The following DLG2 variants were observed in gnomAD, a reference collection of about 807,000 sequenced individuals.
DLG2 encodes the protein disks large homolog 2.
Under a neutral mutation model 132.5 loss-of-function variants are expected in DLG2, and 45 were observed. The ratio of observed to expected loss-of-function variants is 0.34; its 90% confidence interval spans 0.27 to 0.44. The LOEUF (loss-of-function observed/expected upper bound fraction) is 0.44, where lower values mean the gene tolerates loss of function less well. Ranked by LOEUF, DLG2 falls within the 20% of genes least tolerant of loss-of-function variation. The pLI is 1.00. For missense variants in DLG2, 1,045 were observed against 1,196.9 expected (o/e 0.87, Z 1.87); for synonymous variants, 424 against 419.6 (o/e 1.01, Z -0.13).
chr11:84,069,479 GA>G (rs748635460), intron 10 of DLG2, among the ~76,000 whole-genome samples: 27 of 152,106 alleles, frequency 1.8e-4, no homozygotes, highest in Non-Finnish European at 2.8e-4. Flanking sequence ...TTTTCTACCT[GA>G]AACTCTTTTA....
At chr11:85,259,661 A>G (rs139366116) in intron 4 of DLG2, among the ~76,000 whole-genome samples, 23 of 151,870 alleles carry the variant, frequency 1.5e-4, no homozygotes, top group African/African-American at 4.8e-4. Context: ...GGCCCATCCC[A>G]TCACCTGGAC....
At chr11:84,363,834 T>C (rs1337275479) in intron 7 of DLG2, among the ~76,000 whole-genome samples, 1 of 151,956 alleles carries the variant, frequency 6.6e-6, no homozygotes, top group Admixed American at 6.6e-5. Context: ...TATGCGGCGT[T>C]ATTTCTGAGG....
intron 4 of DLG2, among the ~76,000 whole-genome samples, chr11:85,200,245 C>G (rs939752146): frequency 1.3e-5 from 2 of 152,182 alleles, no homozygotes; most frequent in African/African-American, 4.8e-5. Flanking sequence ...CTATAGCCCT[C>G]TTTGTCTTTT....
intron 6 of DLG2, among the ~76,000 whole-genome samples, chr11:84,541,158 T>C (rs1200380842): frequency 1.3e-5 from 2 of 151,590 alleles, no homozygotes; most frequent in Non-Finnish European, 2.9e-5. Flanking sequence ...ACCTGCATGT[T>C]GTGCACATGT....
At chr11:84,593,759 C>A (rs2154531042) in intron 6 of DLG2, among the ~76,000 whole-genome samples, 1 of 152,122 alleles carries the variant, frequency 6.6e-6, no homozygotes, top group Non-Finnish European at 1.5e-5. Flanking sequence ...AATAAACGTG[C>A]AGGTTCTGCA....
intron 11 of DLG2, among the ~76,000 whole-genome samples, chr11:84,044,925 T>G (rs2096206937): frequency 6.6e-6 from 1 of 151,762 alleles, no homozygotes; most frequent in African/African-American, 2.4e-5. Context: ...TACAATTTCC[T>G]TCTTTTAGTC....
At chr11:84,316,937 T>C in intron 7 of DLG2, 1 of 1,612,790 alleles carries the variant, frequency 6.2e-7, no homozygotes, top group Non-Finnish European at 8.5e-7. Flanking sequence ...CAAGGTCCTG[T>C]TGAAGCTGGA....
intron 3 of DLG2, among the ~76,000 whole-genome samples, chr11:85,372,410 T>C (rs918449095): frequency 2.6e-5 from 4 of 152,222 alleles, no homozygotes; most frequent in Non-Finnish European, 5.9e-5. Context: ...CTTTGGTTTA[T>C]GATAAGGAGT....
chr11:84,912,605 G>C (rs1316422160), intron 6 of DLG2, among the ~76,000 whole-genome samples: 1 of 152,226 alleles, frequency 6.6e-6, no homozygotes, highest in Admixed American at 6.5e-5. Flanking sequence ...CAGAAAAACT[G>C]ATTTCCTCAC....
At chr11:84,529,435 CT>C (rs1340320997) in intron 7 of DLG2, among the ~76,000 whole-genome samples, 1 of 152,134 alleles carries the variant, frequency 6.6e-6, no homozygotes, top group Non-Finnish European at 1.5e-5. Context: ...TGATAAACAA[CT>C]TCAGCAAAGT....
At chr11:85,436,602 G>C (rs2091492711) in intron 3 of DLG2, among the ~76,000 whole-genome samples, 1 of 152,058 alleles carries the variant, frequency 6.6e-6, no homozygotes, top group African/African-American at 2.4e-5. Flanking sequence ...CCAAACCACA[G>C]TGAGATACTA....
intron 7 of DLG2, among the ~76,000 whole-genome samples, chr11:84,503,146 A>G (rs1409518577): frequency 6.6e-6 from 1 of 152,186 alleles, no homozygotes; most frequent in African/African-American, 2.4e-5. Context: ...GAAAAGTGAG[A>G]GCAAGAGGTA....
At chr11:84,904,834 TA>T (rs1202293371) in intron 6 of DLG2, among the ~76,000 whole-genome samples, 1 of 152,168 alleles carries the variant, frequency 6.6e-6, no homozygotes, top group African/African-American at 2.4e-5. Context: ...ACGGTGCAAA[TA>T]ATGGAGAAAT....
rs1210045250 is a variant in DLG2 at position 84,716,974 on chromosome 11, T to C, written c.358-182243A>G. 2.6e-5 allele frequency among the ~76,000 whole-genome samples: 4 copies of C among 152,060 alleles called. No homozygotes were observed. In the East Asian group the frequency reaches 7.7e-4, roughly 29 times the overall value. The stretch of plus-strand genomic sequence containing the variant: ...TCCATGTTTACAGTCATAAGTCGTA[T>C]AGTCAGTTAACTAAATTGAATAGCT... On this transcript the variant is annotated intron_variant, in intron 6 of 27. Coordinates refer to ENST00000376104, the MANE Select transcript of DLG2 (RefSeq NM_001142699.3).
At chr11:85,597,005 G>C (rs1210335819) in intron 3 of DLG2, among the ~76,000 whole-genome samples, 1 of 152,174 alleles carries the variant, frequency 6.6e-6, no homozygotes, top group African/African-American at 2.4e-5. Context: ...TGGGCACTGG[G>C]ATTACTTACA....
chr11:83,577,559 AATATATATATATATATAT>A (rs1167372199), intron 19 of DLG2, among the ~76,000 whole-genome samples: 2 of 78,442 alleles, frequency 2.5e-5, no homozygotes, highest in Non-Finnish European at 4.7e-5. Flanking sequence ...GAATTAATAG[AATATATATATATATATAT>A]ATATATATAT....
chr11:84,974,824 T>C (rs560913177), intron 6 of DLG2, among the ~76,000 whole-genome samples: 1 of 152,318 alleles, frequency 6.6e-6, no homozygotes, highest in African/African-American at 2.4e-5. Context: ...CTGTGATGCA[T>C]GCTAGAGTTT....
intron 11 of DLG2, among the ~76,000 whole-genome samples, chr11:84,054,481 C>A (rs141794706): frequency 2.6e-5 from 4 of 151,958 alleles, no homozygotes; most frequent in Non-Finnish European, 5.9e-5. Context: ...ATGCAGACAC[C>A]CCAGGTGCTT....
At chr11:84,165,781 C>A (rs1230230397) in intron 8 of DLG2, among the ~76,000 whole-genome samples, 2 of 151,992 alleles carry the variant, frequency 1.3e-5, no homozygotes, top group Non-Finnish European at 2.9e-5. Flanking sequence ...GCCTGTAGTC[C>A]CAGCTACTTC....
Sources: allele counts gnomAD v4.1 joint callset (sites outside exome capture counted in the v4.1 genomes callset), GRCh38; gene constraint gnomAD v4.1.1; transcripts MANE v1.5; gene names NCBI Gene and HGNC (gene_info 2026-07-23, HGNC 2026-07-21).